The following ADCY2 variants were observed in gnomAD, a reference collection of about 807,000 sequenced individuals.
The protein encoded by ADCY2 is adenylate cyclase type 2.
In ADCY2, 31 loss-of-function variants were observed where a neutral mutation model predicts 125.2. The ratio of observed to expected loss-of-function variants is 0.25; its 90% CI spans 0.19 to 0.33. The LOEUF is 0.33. Ranked by LOEUF, ADCY2 falls within the 10% of genes least tolerant of loss-of-function variation. The probability of loss-of-function intolerance (pLI) is 1.00; values close to 1 mark genes in which losing one functional copy is unlikely to be tolerated. For missense variants in ADCY2, 904 were observed against 1,418.2 expected, an observed-to-expected ratio of 0.64 and a Z score of 5.82; for synonymous variants, 512 against 548.4, an observed-to-expected ratio of 0.93 and a Z score of 0.93.
At chr5:7,622,597 G>A (rs1382381582) in intron 3 of ADCY2, among the ~76,000 whole-genome samples, 2 of 152,198 alleles carry the variant, frequency 1.3e-5, no homozygotes, top group African/African-American at 4.8e-5. Flanking sequence ...CTCCAAGAAG[G>A]TTTTTCCTTA....
At chr5:7,780,101 C>T (rs1371890172) in intron 18 of ADCY2, among the ~76,000 whole-genome samples, 6 of 152,126 alleles carry the variant, frequency 3.9e-5, no homozygotes, top group Non-Finnish European at 5.9e-5. Context: ...GAAAGTAGAC[C>T]GAGTGTGTCT....
chr5:7,496,585 C>T (rs989251340), intron 2 of ADCY2, among the ~76,000 whole-genome samples: 1 of 152,070 alleles, frequency 6.6e-6, no homozygotes, highest in Non-Finnish European at 1.5e-5. Flanking sequence ...ATATACTTCA[C>T]AATTTTGTTG....
chr5:7,548,313 A>G (rs1263974044), intron 3 of ADCY2, among the ~76,000 whole-genome samples: 1 of 151,862 alleles, frequency 6.6e-6, no homozygotes, highest in East Asian at 1.9e-4. Context: ...ATATTTTTAT[A>G]TATTACTATA....
Position 7,507,372 on chromosome 5 carries a change from C to T in ADCY2, c.409-13366C>T, listed in dbSNP as rs1935014903. 3.2e-5 allele frequency among the ~76,000 whole-genome samples: 4 copies of T among 123,256 alleles called. No individual in the cohort carries two copies. The South Asian group carries it at 8.5e-4, about 26-fold the overall frequency. The allele number at this position is 123,256 out of a possible 152,430, so 80.9% of individuals were successfully genotyped here. On this transcript the variant is annotated intron_variant, in intron 2 of 24. Transcript: ENST00000338316. ...AGGAGAATGGCGTGAACCCGGGAGGCGGAGCTTGCAGTGAGCCGAGATCAT... is the reference window on the plus strand; with the variant it reads ...AGGAGAATGGCGTGAACCCGGGAGGTGGAGCTTGCAGTGAGCCGAGATCAT...
At chr5:7,737,385 C>G (rs1479341684) in intron 14 of ADCY2, among the ~76,000 whole-genome samples, 1 of 152,154 alleles carries the variant, frequency 6.6e-6, no homozygotes, top group Non-Finnish European at 1.5e-5. Flanking sequence ...AAAGCTAGAG[C>G]TAGACGAAGG....
chr5:7,466,220 A>G (rs903972033), intron 2 of ADCY2, among the ~76,000 whole-genome samples: 19 of 152,314 alleles, frequency 1.2e-4, no homozygotes, highest in African/African-American at 4.6e-4. Context: ...TTTTCTTAGT[A>G]AAATCCTCAA....
At chr5:7,569,936 G>T (rs1321300243) in intron 3 of ADCY2, among the ~76,000 whole-genome samples, 2 of 152,078 alleles carry the variant, frequency 1.3e-5, no homozygotes, top group African/African-American at 4.8e-5. Flanking sequence ...AATTTTCAAT[G>T]GATAAACATT....
At chr5:7,666,496 C>T (rs1435943238) in intron 4 of ADCY2, among the ~76,000 whole-genome samples, 1 of 152,006 alleles carries the variant, frequency 6.6e-6, no homozygotes, top group East Asian at 1.9e-4. Flanking sequence ...TCTCGATCTC[C>T]GGACCTCATG....
intron 3 of ADCY2, 96 bp downstream of exon 3, chr5:7,520,995 G>T (rs1054220749): frequency 4.8e-6 from 7 of 1,464,048 alleles, no homozygotes; most frequent in Non-Finnish European, 4.7e-6. Context: ...GTGTAGTGTG[G>T]TACCTGCAGC....
chr5:7,790,842 C>T (rs940398375), intron 20 of ADCY2, among the ~76,000 whole-genome samples: 1 of 152,148 alleles, frequency 6.6e-6, no homozygotes, highest in African/African-American at 2.4e-5. Flanking sequence ...GAGATGGTTA[C>T]ATTCTTGTGA....
intron 3 of ADCY2, among the ~76,000 whole-genome samples, chr5:7,594,160 G>C (rs1267435766): frequency 1.3e-5 from 2 of 152,188 alleles, no homozygotes; most frequent in African/African-American, 4.8e-5. Context: ...ACAGTGCCGA[G>C]ATGAGACAGG....
intron 3 of ADCY2, among the ~76,000 whole-genome samples, chr5:7,596,281 C>CT (rs200527102): frequency 0.011 from 1,653 of 152,046 alleles, 36 homozygotes; most frequent in African/African-American, 0.039. Context: ...AAACTCCCCC[C>CT]CCCCACCAGT....
At chr5:7,673,727 T>C (rs1458311489) in intron 4 of ADCY2, among the ~76,000 whole-genome samples, 1 of 152,022 alleles carries the variant, frequency 6.6e-6, no homozygotes, top group African/African-American at 2.4e-5. Flanking sequence ...GGAAAGCCAA[T>C]AGGCAAGAGG....
At chr5:7,717,744 A>T (rs1390225506) in intron 12 of ADCY2, among the ~76,000 whole-genome samples, 2 of 152,226 alleles carry the variant, frequency 1.3e-5, no homozygotes, top group African/African-American at 4.8e-5. Context: ...TTACGGTTTT[A>T]AATGGTCCAG....
intron 4 of ADCY2, among the ~76,000 whole-genome samples, chr5:7,685,538 GA>G (rs1740494111): frequency 6.6e-6 from 1 of 152,196 alleles, no homozygotes; most frequent in Non-Finnish European, 1.5e-5. Context: ...AAAAGTCAGA[GA>G]AAGATAAAGC....
At chr5:7,563,691 C>T (rs1343481585) in intron 3 of ADCY2, among the ~76,000 whole-genome samples, 2 of 152,160 alleles carry the variant, frequency 1.3e-5, no homozygotes, top group African/African-American at 2.4e-5. Flanking sequence ...TATATGAGAA[C>T]ACAGGAACTT....
At chr5:7,637,319 A>C (rs1438177596) in intron 4 of ADCY2, among the ~76,000 whole-genome samples, 1 of 151,988 alleles carries the variant, frequency 6.6e-6, no homozygotes, top group African/African-American at 2.4e-5. Context: ...GAAATACAAA[A>C]ATTAGCCAGA....
intron 2 of ADCY2, among the ~76,000 whole-genome samples, chr5:7,430,190 A>G (rs1409136980): frequency 4.6e-5 from 7 of 152,174 alleles, no homozygotes; most frequent in Admixed American, 3.3e-4. Flanking sequence ...CTCTATATGT[A>G]GAAATAATTT....
At chr5:7,420,670 T>C (rs1489472086) in intron 2 of ADCY2, among the ~76,000 whole-genome samples, 1 of 152,172 alleles carries the variant, frequency 6.6e-6, no homozygotes, top group Non-Finnish European at 1.5e-5. Flanking sequence ...GAAAACTCTT[T>C]TAAAACAATA....
Sources: gnomAD v4.1 joint callset for allele counts (sites outside exome capture counted in the v4.1 genomes callset) on GRCh38, gnomAD v4.1.1 for gene constraint, MANE v1.5 for transcripts, NCBI Gene and HGNC (gene_info 2026-07-23, HGNC 2026-07-21) for gene names.